Variants in GPR63 observed in about 807,000 individuals in gnomAD.
GPR63 encodes G protein-coupled receptor 63.
A neutral mutation model predicts 23.1 loss-of-function variants in GPR63; 12 were observed. The observed-to-expected ratio is 0.52, with a 90% CI of 0.33 to 0.84. The LOEUF (loss-of-function observed/expected upper bound fraction) is 0.84, where lower values mean the gene tolerates loss of function less well. GPR63 is among the 40% of genes least tolerant of loss of function. The pLI, the probability that GPR63 is intolerant of heterozygous loss-of-function variation, is 0.02. For synonymous variants in GPR63, 172 were observed against 191.1 expected, an observed-to-expected ratio of 0.90 and a Z score of 0.82; for missense variants, 472 against 515.6, an observed-to-expected ratio of 0.92 and a Z score of 0.82.
intron 1 of GPR63, among the ~76,000 whole-genome samples, chr6:96,809,824 T>C (rs1014408523): frequency 3.3e-5 from 5 of 152,224 alleles, no homozygotes; most frequent in Admixed American, 3.3e-4. Flanking sequence ...TGAACTTTCC[T>C]GACTCTCAAA....
intron 1 of GPR63, among the ~76,000 whole-genome samples, chr6:96,830,256 C>G (rs1774546345): frequency 6.6e-6 from 1 of 152,058 alleles, no homozygotes; most frequent in Non-Finnish European, 1.5e-5. Context: ...TTTAAATGTA[C>G]AATGTACATC....
intron 1 of GPR63, among the ~76,000 whole-genome samples, chr6:96,819,724 CA>C (rs112287597): frequency 2.2e-4 from 29 of 129,930 alleles, no homozygotes; most frequent in Admixed American, 6.9e-4. Flanking sequence ...ACTAAATTGC[CA>C]AAAAAAAAAC....
chr6:96,823,315 T>C (rs1774356565), intron 1 of GPR63, among the ~76,000 whole-genome samples: 1 of 152,120 alleles, frequency 6.6e-6, no homozygotes, highest in Non-Finnish European at 1.5e-5. Context: ...CTGAAGACCT[T>C]CCGGTGGGAC....
chr6:96,818,524 A>G (rs1438168868), intron 1 of GPR63, among the ~76,000 whole-genome samples: 1 of 152,216 alleles, frequency 6.6e-6, no homozygotes, highest in Non-Finnish European at 1.5e-5. Flanking sequence ...TAAGGTTTAC[A>G]TTTAAAAAAC....
intron 1 of GPR63, among the ~76,000 whole-genome samples, chr6:96,824,792 G>A (rs1434163438): frequency 6.6e-6 from 1 of 152,018 alleles, no homozygotes; most frequent in Non-Finnish European, 1.5e-5. Context: ...TGATAGTGTC[G>A]TGAGTTATTG....
intron 1 of GPR63, among the ~76,000 whole-genome samples, chr6:96,825,622 G>A (rs1002656290): frequency 6.6e-6 from 1 of 151,932 alleles, no homozygotes; most frequent in East Asian, 1.9e-4. Flanking sequence ...TTTGGTGCCT[G>A]TTTACTCAAG....
Position 96,798,812 on chromosome 6 carries a change from C to T in GPR63, c.920G>A (p.Gly307Asp). The T allele has an allele frequency of 1.9e-6, 3 of 1,614,102 alleles. No homozygotes were observed. Among genetic ancestry groups the T allele is most frequent in the African/African-American group, 1.3e-5 (1 of 75,014 alleles). Residue 307 changes from glycine (G) to aspartate (D), a missense_variant, in exon 2 of 2, where the codon GGC becomes GAC. Coordinates refer to ENST00000229955, the MANE Select transcript of GPR63 (RefSeq NM_030784.4). ...AGTGGTGAAGGCACGTGTTTTAAAG[C>T]CCATGTCAATGCTCATCTGGAAAGG... ...QRPFQMSIDMGFKTRAFTTIL... is the reference protein window; with the variant it reads ...QRPFQMSIDMDFKTRAFTTIL...
chr6:96,815,012 A>AAGACT (rs1774128571), intron 1 of GPR63, among the ~76,000 whole-genome samples: 1 of 152,238 alleles, frequency 6.6e-6, no homozygotes, highest in East Asian at 1.9e-4. Context: ...TCCAAACACT[A>AAGACT]TGGATAAACT....
At position 96,828,979 on chromosome 6, in the gene GPR63, T is replaced by G. The variant is rs529464531; in HGVS notation, c.-151+8289A>C. Among the ~76,000 whole-genome samples the G allele has an allele frequency of 1.0e-2, 1,520 of 152,342 alleles. 16 individuals are homozygous for G. The highest frequency in any genetic ancestry group is 0.014 in the Non-Finnish European group (977 of 68,026). On this transcript the variant is annotated intron_variant, in intron 1 of 1. Coordinates refer to ENST00000229955, the MANE Select transcript of GPR63 (RefSeq NM_030784.4). ...AAAAATATTTAAAAATCTAAACTTG[T>G]ATGTATCTAATAATAAACCTCAAAA...
In GPR63 at chr6:96,798,718, TG is replaced by T; in HGVS notation, c.1013del (p.Thr338AsnfsTer29). 1.2e-6 allele frequency: 2 copies of T among 1,614,192 alleles called. No homozygotes were observed. Among genetic ancestry groups the T allele is most frequent in the Middle Eastern group, 3.3e-4 (2 of 6,062 alleles). The part of the protein sequence containing the change: ...APFTTYSLVA[T>X]FSKHFYYQHN... ...GCTGATAGTAAAAGTGCTTACTGAA[TG>T]TTGCCACAAGGCTGTAAGTGGTGAA... On this transcript the variant is annotated frameshift_variant, in exon 2 of 2. Transcript: ENST00000229955. LOFTEE classifies it high-confidence loss of function.
rs1773579518 is a variant in GPR63, at chr6:96,796,394, C to T, written c.*2078G>A. The T allele has an allele frequency of 6.6e-6, 1 of 152,148 alleles. No individual in the cohort carries two copies. Among genetic ancestry groups the T allele is most frequent in the African/African-American group, 2.4e-5 (1 of 41,426 alleles). The allele number at this position is 152,148 out of a possible 1,614,324, so 9.4% of individuals were successfully genotyped here. A position where few individuals can be genotyped will look rare whatever the true frequency, so the allele number is the denominator to read the frequency against. ...TTTCCACTGGCTCACAAAACACTAA[C>T]ATCCTGAAAAGATGCTATAAATCCA... On this transcript the variant is annotated 3_prime_UTR_variant, in exon 2 of 2. Transcript: ENST00000229955.
chr6:96,807,986 G>A (rs1191980213), intron 1 of GPR63, among the ~76,000 whole-genome samples: 2 of 152,220 alleles, frequency 1.3e-5, no homozygotes, highest in African/African-American at 4.8e-5. Flanking sequence ...AACCCAGGAA[G>A]TGTGTTCTTA....
chr6:96,807,608 C>A (rs1481013309), intron 1 of GPR63, among the ~76,000 whole-genome samples: 1 of 152,074 alleles, frequency 6.6e-6, no homozygotes, highest in East Asian at 1.9e-4. Flanking sequence ...AATCAGAAAG[C>A]TAATAATCAC....
chr6:96,805,842 A>G (rs1773882741), intron 1 of GPR63, among the ~76,000 whole-genome samples: 1 of 152,228 alleles, frequency 6.6e-6, no homozygotes, highest in Non-Finnish European at 1.5e-5. Context: ...CATTTCTGCC[A>G]TATCTCTATT....
chr6:96,820,606 AAAAAAAGCAAAATGAGCC>A (rs1487161399), intron 1 of GPR63, among the ~76,000 whole-genome samples: 3 of 152,074 alleles, frequency 2.0e-5, no homozygotes. Flanking sequence ...TAATTTTTTT[AAAAAAAGCAAAATGAGCC>A]AAAAAAGCAT....
chr6:96,801,171 T>G (rs947656468), intron 1 of GPR63, among the ~76,000 whole-genome samples: 1 of 152,034 alleles, frequency 6.6e-6, no homozygotes, highest in Non-Finnish European at 1.5e-5. Flanking sequence ...TAAAACAAAC[T>G]GCAGTTTACT....
At chr6:96,832,206 C>G (rs1471988366) in intron 1 of GPR63, among the ~76,000 whole-genome samples, 1 of 151,742 alleles carries the variant, frequency 6.6e-6, no homozygotes, top group African/African-American at 2.4e-5. Context: ...ATAGTTATAT[C>G]TGGGTATAAT....
intron 1 of GPR63, 125 bp from the exon 2 acceptor site, chr6:96,800,006 T>C (rs1773721151): frequency 4.5e-6 from 2 of 442,438 alleles, no homozygotes; most frequent in South Asian, 2.7e-5. Flanking sequence ...AAAAATATTT[T>C]AGTCTCCAGT....
intron 1 of GPR63, among the ~76,000 whole-genome samples, chr6:96,834,461 T>G (rs1373902453): frequency 6.6e-6 from 1 of 152,172 alleles, no homozygotes; most frequent in African/African-American, 2.4e-5. Context: ...TCTCAAATGT[T>G]GTGTTTTGAA....
Sources: allele counts gnomAD v4.1 joint callset (sites outside exome capture counted in the v4.1 genomes callset), GRCh38; gene constraint gnomAD v4.1.1; transcripts MANE v1.5; gene names NCBI Gene and HGNC (gene_info 2026-07-23, HGNC 2026-07-21).